The following TBC1D2B variants were observed in gnomAD, a reference collection of about 807,000 sequenced individuals.
The protein encoded by TBC1D2B is TBC1 domain family member 2B, also known as TBC1 domain family, member 2B.
In TBC1D2B, 64 loss-of-function variants were observed where a neutral mutation model predicts 100.8. That is an observed-to-expected ratio of 0.64 (90% CI 0.52 to 0.78). TBC1D2B has a LOEUF of 0.78. Among genes scored for constraint, TBC1D2B ranks in the 30% least tolerant of loss-of-function variants. The pLI is 0.00. For missense variants in TBC1D2B, 1,052 were observed against 1,218.4 expected, an observed-to-expected ratio of 0.86 and a Z score of 2.03; for synonymous variants, 480 against 479.7, an observed-to-expected ratio of 1.00 and a Z score of -0.01.
chr15:77,998,238 G>A lies in TBC1D2B; in HGVS notation c.2814C>T (p.Ile938=), dbSNP rs376746995. The change falls in exon 13 of 13, where the codon ATC becomes ATT. Residue 938 remains isoleucine, a synonymous_variant. Transcript: ENST00000300584. ...VRLELTELEA[I]REDFLRERDT... is the part of the protein sequence containing the mutation. Reference sequence around the variant, plus strand: ...CCCGCTCACGCAGGAAGTCCTCACGGATGGCCTCCAGCTCGGTCAGCTCCA... The same window carrying A: ...CCCGCTCACGCAGGAAGTCCTCACGAATGGCCTCCAGCTCGGTCAGCTCCA... 7 of 1,590,372 alleles carry A rather than the reference G, an allele frequency of 4.4e-6. No homozygotes were observed. Among genetic ancestry groups the A allele is most frequent in the African/African-American group, 2.7e-5 (2 of 74,536 alleles).
chr15:78,032,499 CGAAGTGG>C (rs1274005650), intron 3 of TBC1D2B, among the ~76,000 whole-genome samples: 1 of 151,162 alleles, frequency 6.6e-6, no homozygotes, highest in Non-Finnish European at 1.5e-5. Context: ...CAGGCATGCA[CGAAGTGG>C]GAAGTACAAG....
chr15:78,069,108 G>A (rs1256318470), intron 1 of TBC1D2B, among the ~76,000 whole-genome samples: 1 of 152,220 alleles, frequency 6.6e-6, no homozygotes, highest in African/African-American at 2.4e-5. Flanking sequence ...AAAAGCAACT[G>A]ATCGAGGAGA....
At chr15:78,004,706 A>G (rs2072020572) in intron 10 of TBC1D2B, among the ~76,000 whole-genome samples, 1 of 152,246 alleles carries the variant, frequency 6.6e-6, no homozygotes, top group African/African-American at 2.4e-5. Flanking sequence ...AAAAATAAAA[A>G]TAAAAACCTA....
Position 77,997,987 on chromosome 15 carries a change from C to G in TBC1D2B, c.*173G>C. 1.8e-6 allele frequency: 1 copy of G among 546,748 alleles called. No individual in the cohort carries two copies. Among genetic ancestry groups the G allele is most frequent in the Middle Eastern group, 4.2e-4 (1 of 2,356 alleles). The allele number at this position is 546,748 out of a possible 1,614,324, so 33.9% of individuals were successfully genotyped here. ...GGAAATGGTTGTAAACAGATTAGAC[C>G]TCCCACCCCTGCCCCCCGCACAGTG... On this transcript the variant is annotated 3_prime_UTR_variant, in exon 13 of 13. Coordinates refer to ENST00000300584, the MANE Select transcript of TBC1D2B (RefSeq NM_144572.2).
In TBC1D2B at chr15:78,001,679, T is replaced by C; in HGVS notation, c.2636A>G (p.Gln879Arg). ...KYKEEEILKL[Q>R]DSMSIFKYLR... ...ATACTTAAATATAGACATCGAATCT[T>C]GCAATTTCAAAATCTCCTCTTCCTT... Residue 879 changes from glutamine (Q) to arginine (R), a missense_variant, in exon 12 of 13, where the codon CAA (glutamine) becomes CGA (arginine). Transcript: ENST00000300584. The C allele has an allele frequency of 6.2e-7, 1 of 1,608,526 alleles. No homozygotes were observed. Among genetic ancestry groups the C allele is most frequent in the Non-Finnish European group, 8.5e-7 (1 of 1,177,388 alleles).
chr15:78,016,988 A>G (rs1326059691), intron 7 of TBC1D2B: 1 of 421,620 alleles, frequency 2.4e-6, no homozygotes, highest in Non-Finnish European at 4.2e-6. Flanking sequence ...CAACAAATGC[A>G]TCACCTCTGG....
intron 3 of TBC1D2B, among the ~76,000 whole-genome samples, chr15:78,037,189 G>A (rs926948611): frequency 6.6e-6 from 1 of 151,998 alleles, no homozygotes; most frequent in African/African-American, 2.4e-5. Flanking sequence ...GGAGTCCCTG[G>A]CCTCCTCAGC....
chr15:78,011,360 C>T (rs1176626931), intron 9 of TBC1D2B, among the ~76,000 whole-genome samples: 1 of 152,196 alleles, frequency 6.6e-6, no homozygotes, highest in Non-Finnish European at 1.5e-5. Flanking sequence ...GCAAAAAAGG[C>T]CTGTGGGCAG....
intron 4 of TBC1D2B, among the ~76,000 whole-genome samples, chr15:78,028,046 C>G (rs142782708): frequency 3.9e-5 from 6 of 152,212 alleles, no homozygotes; most frequent in Non-Finnish European, 7.3e-5. Flanking sequence ...TGCTTACTCT[C>G]GCAATAAAGG....
At chr15:78,036,530 T>C (rs930835137) in intron 3 of TBC1D2B, among the ~76,000 whole-genome samples, 2 of 152,164 alleles carry the variant, frequency 1.3e-5, no homozygotes, top group African/African-American at 2.4e-5. Flanking sequence ...GACAGCAATG[T>C]GGCCAAGGAA....
chr15:78,000,007 G>A (rs559323025), intron 12 of TBC1D2B, among the ~76,000 whole-genome samples: 1 of 152,286 alleles, frequency 6.6e-6, no homozygotes, highest in East Asian at 1.9e-4. Context: ...AAGGCCGATC[G>A]CTGTGCTGCA....
intron 2 of TBC1D2B, among the ~76,000 whole-genome samples, chr15:78,047,273 C>T (rs2073217159): frequency 6.6e-6 from 1 of 150,404 alleles, no homozygotes; most frequent in Non-Finnish European, 1.5e-5. Context: ...CAAGAAGTTA[C>T]AAATAACCAC....
At chr15:78,042,329 T>C (rs1307100265) in intron 3 of TBC1D2B, among the ~76,000 whole-genome samples, 3 of 152,102 alleles carry the variant, frequency 2.0e-5, no homozygotes, top group East Asian at 1.9e-4. Context: ...GTCCCCCAAA[T>C]GTGTTCTTAT....
chr15:78,010,618 C>T (rs1435203955), intron 9 of TBC1D2B, among the ~76,000 whole-genome samples: 1 of 151,840 alleles, frequency 6.6e-6, no homozygotes, highest in Non-Finnish European at 1.5e-5. Context: ...CAAGCAGAGA[C>T]ACCAAATTGA....
In TBC1D2B at chr15:78,017,803, C is replaced by T. The variant is rs764865624; in HGVS notation, c.1581+44G>A. The stretch of plus-strand genomic sequence containing the variant: ...ATGCTTATTTTTAATGGTTTCCTAA[C>T]CTTACCTCCCACCAGGTAATAGAAT... On this transcript the variant is annotated intron_variant, in intron 7 of 12. Transcript: ENST00000300584. The T allele has an allele frequency of 9.8e-5, 131 of 1,330,416 alleles. No homozygotes were observed. The Middle Eastern group carries it at 2.0e-3, about 20-fold the overall frequency. 82.4% of individuals were successfully genotyped at this position (1,330,416 alleles called of 1,614,324 possible).
intron 4 of TBC1D2B, among the ~76,000 whole-genome samples, chr15:78,029,030 G>A (rs1294202202): frequency 6.6e-6 from 1 of 151,718 alleles, no homozygotes; most frequent in African/African-American, 2.4e-5. Flanking sequence ...TATTGTAACT[G>A]TAAATATAAT....
At position 78,004,757 on chromosome 15, in the gene TBC1D2B, A is replaced by G. The variant is rs2072021726; in HGVS notation, c.2389-1267T>C. ...ACCAATTTCTCTATCCATAGTGTAA[A>G]AAACAACTATAGTCATCCCTTGGTG... On this transcript the variant is annotated intron_variant, in intron 10 of 12. Transcript: ENST00000300584. Among the ~76,000 whole-genome samples, 4 of 152,372 alleles carry G rather than the reference A, an allele frequency of 2.6e-5. 1 individual carries two copies. The South Asian group carries it at 8.3e-4, about 32-fold the overall frequency.
intron 1 of TBC1D2B, among the ~76,000 whole-genome samples, chr15:78,074,315 G>A (rs946798568): frequency 2.0e-5 from 3 of 152,024 alleles, no homozygotes; most frequent in Non-Finnish European, 2.9e-5. Context: ...GAGCCACCAC[G>A]CCCGGCCTTC....
intron 1 of TBC1D2B, among the ~76,000 whole-genome samples, chr15:78,062,632 T>C (rs1331388708): frequency 1.3e-5 from 2 of 152,326 alleles, no homozygotes; most frequent in East Asian, 1.9e-4. Context: ...TTTCTACCCA[T>C]AAATGTATAG....
Sources: allele counts gnomAD v4.1 joint callset (sites outside exome capture counted in the v4.1 genomes callset), GRCh38; gene constraint gnomAD v4.1.1; transcripts MANE v1.5; gene names NCBI Gene and HGNC (gene_info 2026-07-23, HGNC 2026-07-21).